Variants in CDIN1 observed in about 807,000 individuals in gnomAD.
CDIN1 encodes CDAN1-interacting nuclease 1.
In CDIN1, 33 loss-of-function variants were observed where a neutral mutation model predicts 45.3. The observed-to-expected ratio is 0.73, with a 90% confidence interval of 0.55 to 0.97. The LOEUF is 0.97. Among genes scored for constraint, CDIN1 ranks in the 50% least tolerant of loss-of-function variants. The pLI, the probability that CDIN1 is intolerant of heterozygous loss-of-function variation, is 0.00. For synonymous variants in CDIN1, 118 were observed against 124.4 expected, an observed-to-expected ratio of 0.95 and a Z score of 0.34; for missense variants, 303 against 339.4, an observed-to-expected ratio of 0.89 and a Z score of 0.84.
intron 10 of CDIN1, among the ~76,000 whole-genome samples, chr15:36,751,229 T>TTTTTATATATATATATATA (rs568110101): frequency 1.0e-5 from 1 of 97,612 alleles, no homozygotes; most frequent in African/African-American, 4.3e-5. Context: ...TATGCTTATT[T>TTTTTATATATATATATATA]TATATATATA....
intron 1 of CDIN1, among the ~76,000 whole-genome samples, chr15:36,585,283 A>G (rs1174893042): frequency 3.9e-5 from 6 of 152,204 alleles, no homozygotes; most frequent in Non-Finnish European, 8.8e-5. Flanking sequence ...TTTTAATGCA[A>G]TATCATTAAT....
At chr15:36,752,446 T>C (rs1022121244) in intron 10 of CDIN1, among the ~76,000 whole-genome samples, 1 of 152,202 alleles carries the variant, frequency 6.6e-6, no homozygotes, top group African/African-American at 2.4e-5. Flanking sequence ...TTGTTGAATA[T>C]TGGTGGTGAG....
rs143873501 is a variant in CDIN1 at position 36,759,017 on chromosome 15, T to C, written c.716+49056T>C. Among the ~76,000 whole-genome samples, 1,024 of 152,286 alleles carry C rather than the reference T, an allele frequency of 6.7e-3. 7 individuals are homozygous for C. The highest frequency in any genetic ancestry group is 0.023 in the African/African-American group (950 of 41,564). On this transcript the variant is annotated intron_variant, in intron 10 of 10. Coordinates refer to ENST00000566621, the MANE Select transcript of CDIN1 (RefSeq NM_001321759.2). ...TGGTTGGGATAGGGAGTTCCTCTTA[T>C]GCCCAGTAAAAGCAGCTGCCCACAC...
intron 1 of CDIN1, among the ~76,000 whole-genome samples, chr15:36,616,308 C>T (rs1281434474): frequency 6.7e-6 from 1 of 150,080 alleles, no homozygotes; most frequent in Non-Finnish European, 1.5e-5. Context: ...TTGAGACAGA[C>T]TTTCGCTCTT....
intron 3 of CDIN1, among the ~76,000 whole-genome samples, chr15:36,645,610 T>C (rs1446294225): frequency 6.6e-6 from 1 of 152,006 alleles, no homozygotes; most frequent in African/African-American, 2.4e-5. Context: ...GTGCATATCC[T>C]GTCTAAATGC....
At chr15:36,696,617 T>C (rs2042435431) in intron 7 of CDIN1, 1 of 152,192 alleles carries the variant, frequency 6.6e-6, no homozygotes, top group Non-Finnish European at 1.5e-5. Context: ...GCGGGAGCCT[T>C]GCTACCTTAC....
intron 3 of CDIN1, 47 bp downstream of exon 3, chr15:36,645,334 T>C (rs1208927400): frequency 6.4e-5 from 86 of 1,351,096 alleles, no homozygotes; most frequent in Non-Finnish European, 8.7e-5. Context: ...ACCTATTAAT[T>C]GTAATAATAA....
At chr15:36,717,069 C>T (rs2043241032) in intron 10 of CDIN1, among the ~76,000 whole-genome samples, 1 of 152,170 alleles carries the variant, frequency 6.6e-6, no homozygotes, top group Non-Finnish European at 1.5e-5. Flanking sequence ...CAACCCTCTC[C>T]AGCATACAAG....
chr15:36,690,244 T>G (rs1037547694), intron 5 of CDIN1, among the ~76,000 whole-genome samples: 1 of 152,166 alleles, frequency 6.6e-6, no homozygotes, highest in Non-Finnish European at 1.5e-5. Context: ...ATTTCCTTAT[T>G]TATTTCCACA....
chr15:36,619,887 GAAAACTGAATGT>G (rs968261362), intron 1 of CDIN1, among the ~76,000 whole-genome samples: 5 of 151,916 alleles, frequency 3.3e-5, no homozygotes, highest in African/African-American at 1.2e-4. Flanking sequence ...TAAATGATTT[GAAAACTGAATGT>G]AAAACTTGAG....
intron 1 of CDIN1, among the ~76,000 whole-genome samples, chr15:36,629,504 G>T (rs1218812266): frequency 1.3e-5 from 2 of 152,120 alleles, no homozygotes; most frequent in Admixed American, 1.3e-4. Flanking sequence ...CAATTATCTC[G>T]CTCATGGTAA....
chr15:36,639,117 C>A (rs1365720919), intron 1 of CDIN1, among the ~76,000 whole-genome samples: 1 of 152,118 alleles, frequency 6.6e-6, no homozygotes, highest in Non-Finnish European at 1.5e-5. Flanking sequence ...AGTTATAGAG[C>A]CGTTTGGATT....
At chr15:36,711,132 T>C (rs2043042290) in intron 10 of CDIN1, among the ~76,000 whole-genome samples, 1 of 152,278 alleles carries the variant, frequency 6.6e-6, no homozygotes, top group African/African-American at 2.4e-5. Context: ...ATGTGGCAAA[T>C]TGAATTTTAG....
At chr15:36,746,862 A>G in intron 10 of CDIN1, 1 of 281,256 alleles carries the variant, frequency 3.6e-6, no homozygotes, top group Non-Finnish European at 6.2e-6. Flanking sequence ...TGACCCTCCC[A>G]CCTCAGTCTC....
At chr15:36,771,211 G>T (rs1207663098) in intron 10 of CDIN1, among the ~76,000 whole-genome samples, 4 of 152,068 alleles carry the variant, frequency 2.6e-5, no homozygotes, top group Non-Finnish European at 5.9e-5. Flanking sequence ...CAAGGGTGGA[G>T]GGCTAGGGAA....
At chr15:36,800,131 A>T (rs769695023) in intron 10 of CDIN1, among the ~76,000 whole-genome samples, 5 of 152,200 alleles carry the variant, frequency 3.3e-5, no homozygotes, top group Admixed American at 6.5e-5. Flanking sequence ...ATAAAGGCCC[A>T]AAGTGAATCA....
intron 1 of CDIN1, among the ~76,000 whole-genome samples, chr15:36,596,749 T>C (rs1256334828): frequency 6.6e-6 from 1 of 151,992 alleles, no homozygotes; most frequent in Non-Finnish European, 1.5e-5. Flanking sequence ...TAGATGTAGT[T>C]GCAAACATGC....
intron 5 of CDIN1, among the ~76,000 whole-genome samples, chr15:36,689,991 A>G (rs1048423770): frequency 6.6e-6 from 1 of 152,220 alleles, no homozygotes. Context: ...GAAGCTATGT[A>G]ACTTGCCAAG....
intron 5 of CDIN1, among the ~76,000 whole-genome samples, chr15:36,666,354 C>G (rs1011746501): frequency 6.6e-6 from 1 of 152,140 alleles, no homozygotes; most frequent in African/African-American, 2.4e-5. Context: ...GATTTTACAG[C>G]TAAGTTGATT....
Sources: gnomAD v4.1 joint callset for allele counts (sites outside exome capture counted in the v4.1 genomes callset) on GRCh38, gnomAD v4.1.1 for gene constraint, MANE v1.5 for transcripts, NCBI Gene and HGNC (gene_info 2026-07-23, HGNC 2026-07-21) for gene names.